The following FHIT variants were observed in gnomAD, a reference collection of about 807,000 sequenced individuals.
FHIT encodes the protein bis(5'-adenosyl)-triphosphatase.
A neutral mutation model predicts 17.9 loss-of-function variants in FHIT; 19 were observed. The observed-to-expected ratio is 1.06, with a 90% CI of 0.74 to 1.56. The LOEUF (loss-of-function observed/expected upper bound fraction) is 1.56, where lower values mean the gene tolerates loss of function less well. FHIT is among the 40% of genes most tolerant of loss of function. The probability of loss-of-function intolerance (pLI) is 0.00; values close to 1 mark genes in which losing one functional copy is unlikely to be tolerated. For synonymous variants in FHIT, 81 were observed against 69.7 expected (o/e 1.16, Z -0.81); for missense variants, 248 against 189.2 (o/e 1.31, Z -1.82).
At position 60,012,266 on chromosome 3, in the gene FHIT, GTTTT is replaced by G. The variant is rs769497004; in HGVS notation, c.250-870_250-867del. 1.6e-3 allele frequency among the ~76,000 whole-genome samples: 175 copies of G among 112,476 alleles called. 2 individuals carry two copies. The highest frequency in any genetic ancestry group is 5.4e-3 in the African/African-American group (158 of 29,268). The allele number at this position is 112,476 out of a possible 152,430, so 73.8% of individuals were successfully genotyped here. A position where few individuals can be genotyped will look rare whatever the true frequency, so the allele number is the denominator to read the frequency against. On this transcript the variant is annotated intron_variant, in intron 6 of 9. Transcript: ENST00000492590. ...ATGTAAATCAGGTGTTTTTTTTGTTGTTTTTTTTTTTTTTTTTTTTGAGAAAGGG... is the reference window on the plus strand; with the variant it reads ...ATGTAAATCAGGTGTTTTTTTTGTTGTTTTTTTTTTTTTTTTGAGAAAGGG...
chr3:59,830,101 C>A (rs1003509921), intron 8 of FHIT, among the ~76,000 whole-genome samples: 4 of 151,922 alleles, frequency 2.6e-5, no homozygotes, highest in Admixed American at 6.6e-5. Flanking sequence ...ACAACCCCCC[C>A]CTCAAAAGTT....
At chr3:60,623,386 A>G (rs190121144) in intron 4 of FHIT, among the ~76,000 whole-genome samples, 117 of 152,322 alleles carry the variant, frequency 7.7e-4, no homozygotes, top group African/African-American at 2.6e-3. Flanking sequence ...CAGATGAGAT[A>G]TTGGAGCTTT....
intron 2 of FHIT, among the ~76,000 whole-genome samples, chr3:61,159,112 C>T (rs1203164725): frequency 1.3e-5 from 2 of 152,200 alleles, no homozygotes; most frequent in African/African-American, 4.8e-5. Context: ...GCAGTCCTGA[C>T]TTGTAGTTTA....
chr3:60,081,728 G>T (rs1703292711), intron 5 of FHIT, among the ~76,000 whole-genome samples: 1 of 152,056 alleles, frequency 6.6e-6, no homozygotes, highest in Non-Finnish European at 1.5e-5. Flanking sequence ...TAGATCTGTG[G>T]GGTGTGTGAA....
intron 4 of FHIT, among the ~76,000 whole-genome samples, chr3:60,614,981 A>C (rs7637810): frequency 0.39 from 58,306 of 151,294 alleles, 11,613 homozygotes; most frequent in Non-Finnish European, 0.42. Flanking sequence ...AGGCGCCCAC[A>C]ACCACGCCCG....
intron 7 of FHIT, among the ~76,000 whole-genome samples, chr3:59,951,553 A>T (rs553814079): frequency 1.6e-4 from 24 of 152,326 alleles, no homozygotes; most frequent in African/African-American, 5.5e-4. Flanking sequence ...TCCTTTGGCC[A>T]TCTCTGACCC....
At chr3:60,482,396 G>C (rs185856037) in intron 5 of FHIT, among the ~76,000 whole-genome samples, 1 of 152,036 alleles carries the variant, frequency 6.6e-6, no homozygotes, top group Non-Finnish European at 1.5e-5. Flanking sequence ...TCAGTTCCAC[G>C]TGGCATTATT....
intron 5 of FHIT, among the ~76,000 whole-genome samples, chr3:60,520,484 T>C (rs551175742): frequency 2.0e-5 from 3 of 152,270 alleles, no homozygotes; most frequent in African/African-American, 7.2e-5. Flanking sequence ...GTAGTGTGAT[T>C]TGAAACTAAA....
intron 4 of FHIT, among the ~76,000 whole-genome samples, chr3:60,619,643 C>CCTCA (rs1387173170): frequency 7.2e-6 from 1 of 139,318 alleles, no homozygotes; most frequent in Non-Finnish European, 1.5e-5. Flanking sequence ...TAGACAAAGA[C>CCTCA]CTCACACTAT....
At chr3:60,378,651 T>C (rs1052538521) in intron 5 of FHIT, among the ~76,000 whole-genome samples, 2 of 152,240 alleles carry the variant, frequency 1.3e-5, no homozygotes, top group African/African-American at 4.8e-5. Context: ...GTCAAACTAA[T>C]ATGATAAAAT....
At chr3:60,710,005 A>G (rs1194690091) in intron 4 of FHIT, among the ~76,000 whole-genome samples, 2 of 151,762 alleles carry the variant, frequency 1.3e-5, no homozygotes, top group African/African-American at 2.4e-5. Flanking sequence ...TTTCCTTGAG[A>G]CAACCATGAT....
chr3:60,092,579 T>C (rs1459990791), intron 5 of FHIT, among the ~76,000 whole-genome samples: 1 of 152,174 alleles, frequency 6.6e-6, no homozygotes, highest in Non-Finnish European at 1.5e-5. Context: ...TTCACACATA[T>C]ATCTCAGACC....
chr3:59,889,378 A>G (rs1479830774), intron 8 of FHIT, among the ~76,000 whole-genome samples: 2 of 152,212 alleles, frequency 1.3e-5, no homozygotes, highest in African/African-American at 4.8e-5. Flanking sequence ...TCCTAAAAGG[A>G]CAAGTCATGA....
At chr3:59,757,184 C>G (rs753542860) in intron 8 of FHIT, among the ~76,000 whole-genome samples, 1 of 152,108 alleles carries the variant, frequency 6.6e-6, no homozygotes, top group African/African-American at 2.4e-5. Flanking sequence ...AAGCTTTGTT[C>G]TTTAGAGGAA....
intron 5 of FHIT, among the ~76,000 whole-genome samples, chr3:60,528,347 A>C (rs781732697): frequency 6.6e-5 from 10 of 152,092 alleles, no homozygotes; most frequent in Non-Finnish European, 1.3e-4. Context: ...ATCTTAATGT[A>C]AGATATTAGT....
chr3:60,350,779 A>C (rs1484593773), intron 5 of FHIT, among the ~76,000 whole-genome samples: 1 of 152,116 alleles, frequency 6.6e-6, no homozygotes, highest in African/African-American at 2.4e-5. Context: ...CTTGTGTGTA[A>C]TCTCCTCTCT....
chr3:60,285,905 T>C (rs1707704501), intron 5 of FHIT, among the ~76,000 whole-genome samples: 1 of 152,202 alleles, frequency 6.6e-6, no homozygotes, highest in Non-Finnish European at 1.5e-5. Flanking sequence ...ACATTTCAAT[T>C]ATTTTCTTCC....
At chr3:60,820,793 T>C (rs1553739102) in intron 4 of FHIT, among the ~76,000 whole-genome samples, 1 of 152,098 alleles carries the variant, frequency 6.6e-6, no homozygotes, top group Non-Finnish European at 1.5e-5. Flanking sequence ...TTATTATACA[T>C]GTTAAATTGT....
At chr3:60,782,328 C>T (rs1700423470) in intron 4 of FHIT, among the ~76,000 whole-genome samples, 1 of 151,632 alleles carries the variant, frequency 6.6e-6, no homozygotes, top group Admixed American at 6.6e-5. Flanking sequence ...CAAGTCTTGG[C>T]AAGGATATGG....
Sources: gnomAD v4.1 joint callset for allele counts (sites outside exome capture counted in the v4.1 genomes callset) on GRCh38, gnomAD v4.1.1 for gene constraint, MANE v1.5 for transcripts, NCBI Gene and HGNC (gene_info 2026-07-23, HGNC 2026-07-21) for gene names.